The following RFX3 variants were observed in gnomAD, a reference collection of about 807,000 sequenced individuals.
The protein encoded by RFX3 is transcription factor RFX3.
Under a neutral mutation model 98.6 loss-of-function variants are expected in RFX3, and 14 were observed. The observed-to-expected ratio is 0.14, with a 90% confidence interval of 0.09 to 0.22. RFX3 has a LOEUF of 0.22. Ranked by LOEUF, RFX3 falls within the 10% of genes least tolerant of loss-of-function variation. RFX3 has a pLI of 1.00. For synonymous variants in RFX3, 383 were observed against 328.4 expected, an observed-to-expected ratio of 1.17 and a Z score of -1.80; for missense variants, 639 against 926.9, an observed-to-expected ratio of 0.69 and a Z score of 4.03.
At chr9:3,258,299 T>C (rs1822399632) in intron 13 of RFX3, among the ~76,000 whole-genome samples, 1 of 152,148 alleles carries the variant, frequency 6.6e-6, no homozygotes, top group South Asian at 2.1e-4. Flanking sequence ...CATATGTATT[T>C]TTCTCAAAAG....
intron 9 of RFX3, among the ~76,000 whole-genome samples, chr9:3,273,987 T>A (rs1298583735): frequency 1.3e-5 from 2 of 152,082 alleles, no homozygotes; most frequent in Non-Finnish European, 2.9e-5. Context: ...AGATGATAAA[T>A]GTAGAAAGAA....
chr9:3,464,935 T>C (rs1404785628), intron 1 of RFX3, among the ~76,000 whole-genome samples: 1 of 152,134 alleles, frequency 6.6e-6, no homozygotes, highest in African/African-American at 2.4e-5. Flanking sequence ...TCAAAAGTTA[T>C]CGGTGGAAAG....
At chr9:3,262,670 GACCTTTATT>G (rs1328979166) in intron 13 of RFX3, among the ~76,000 whole-genome samples, 2 of 152,134 alleles carry the variant, frequency 1.3e-5, no homozygotes, top group Non-Finnish European at 2.9e-5. Context: ...CAATGACTGT[GACCTTTATT>G]ACTCTACTAA....
intron 1 of RFX3, among the ~76,000 whole-genome samples, chr9:3,489,096 A>G (rs1458374064): frequency 1.3e-5 from 2 of 152,220 alleles, no homozygotes; most frequent in Non-Finnish European, 2.9e-5. Flanking sequence ...CTTAAAAAAA[A>G]GTAAATCACA....
chr9:3,461,533 C>A (rs1417778552), intron 1 of RFX3, among the ~76,000 whole-genome samples: 3 of 151,928 alleles, frequency 2.0e-5, no homozygotes, highest in Non-Finnish European at 4.4e-5. Context: ...GGAATAGTTT[C>A]CTGCCACAAA....
intron 1 of RFX3, among the ~76,000 whole-genome samples, chr9:3,484,592 A>T (rs1324661650): frequency 6.6e-6 from 1 of 152,248 alleles, no homozygotes; most frequent in Non-Finnish European, 1.5e-5. Context: ...TCCAGAAGTT[A>T]GTATCTGAAA....
intron 1 of RFX3, among the ~76,000 whole-genome samples, chr9:3,433,241 C>A (rs1187875936): frequency 6.6e-6 from 1 of 152,042 alleles, no homozygotes; most frequent in Non-Finnish European, 1.5e-5. Flanking sequence ...AGTGTGCCTG[C>A]CTCCCCTTCT....
At chr9:3,231,390 A>C (rs1293730011) in intron 15 of RFX3, among the ~76,000 whole-genome samples, 2 of 152,172 alleles carry the variant, frequency 1.3e-5, no homozygotes, top group Non-Finnish European at 2.9e-5. Context: ...TGAGATCCGC[A>C]AAATCAGTTC....
At chr9:3,393,180 T>C (rs902190389) in intron 2 of RFX3, among the ~76,000 whole-genome samples, 2 of 152,068 alleles carry the variant, frequency 1.3e-5, no homozygotes, top group Non-Finnish European at 2.9e-5. Context: ...ATACTATATT[T>C]AAATAAATGG....
At chr9:3,305,318 G>A (rs1829153078) in intron 4 of RFX3, among the ~76,000 whole-genome samples, 1 of 152,030 alleles carries the variant, frequency 6.6e-6, no homozygotes, top group Non-Finnish European at 1.5e-5. Context: ...TGAGGAAAGT[G>A]TAGGGATGTA....
intron 14 of RFX3, among the ~76,000 whole-genome samples, chr9:3,249,916 C>T (rs889806919): frequency 2.0e-5 from 3 of 151,842 alleles, no homozygotes; most frequent in Non-Finnish European, 2.9e-5. Flanking sequence ...ACTACTTTAA[C>T]GAATTCCTTA....
chr9:3,335,118 C>T (rs1024642590), intron 3 of RFX3, among the ~76,000 whole-genome samples: 1 of 151,624 alleles, frequency 6.6e-6, no homozygotes, highest in African/African-American at 2.4e-5. Flanking sequence ...AACTCCATCT[C>T]AAAAAATAAT....
At chr9:3,420,031 G>A (rs1410343996) in intron 1 of RFX3, among the ~76,000 whole-genome samples, 1 of 152,190 alleles carries the variant, frequency 6.6e-6, no homozygotes, top group African/African-American at 2.4e-5. Flanking sequence ...GCACGTGAAG[G>A]CACAGGAGGG....
chr9:3,306,339 A>G (rs1829311032), intron 4 of RFX3, among the ~76,000 whole-genome samples: 1 of 152,074 alleles, frequency 6.6e-6, no homozygotes, highest in African/African-American at 2.4e-5. Context: ...TAAGTATAAG[A>G]ATAAAATCAA....
intron 2 of RFX3, among the ~76,000 whole-genome samples, chr9:3,363,239 C>G (rs1490426870): frequency 1.3e-5 from 2 of 152,138 alleles, no homozygotes; most frequent in Non-Finnish European, 2.9e-5. Context: ...GGAGGCTCCT[C>G]TAGTCTTTCT....
chr9:3,433,839 C>A (rs942314066), intron 1 of RFX3, among the ~76,000 whole-genome samples: 7 of 152,112 alleles, frequency 4.6e-5, no homozygotes, highest in African/African-American at 1.7e-4. Flanking sequence ...GGGCTAGAGT[C>A]CCTGTCACAG....
intron 15 of RFX3, among the ~76,000 whole-genome samples, chr9:3,240,114 T>G (rs757945284): frequency 6.6e-6 from 1 of 152,252 alleles, no homozygotes; most frequent in Non-Finnish European, 1.5e-5. Flanking sequence ...GCTGGCTATG[T>G]CTATGTCAAT....
intron 1 of RFX3, among the ~76,000 whole-genome samples, chr9:3,413,511 T>G (rs1460637845): frequency 6.6e-6 from 1 of 152,114 alleles, no homozygotes; most frequent in African/African-American, 2.4e-5. Context: ...TAGATTATGC[T>G]CTTTTCATGT....
At chr9:3,443,364 C>G (rs895948246) in intron 1 of RFX3, among the ~76,000 whole-genome samples, 1 of 152,184 alleles carries the variant, frequency 6.6e-6, no homozygotes, top group African/African-American at 2.4e-5. Context: ...ACCACCAACC[C>G]TCTCCAACAG....
Sources: gnomAD v4.1 joint callset for allele counts (sites outside exome capture counted in the v4.1 genomes callset) on GRCh38, gnomAD v4.1.1 for gene constraint, MANE v1.5 for transcripts, NCBI Gene and HGNC (gene_info 2026-07-23, HGNC 2026-07-21) for gene names.